The following PTPRG variants were observed in gnomAD, a reference collection of about 807,000 sequenced individuals.
PTPRG encodes receptor-type tyrosine-protein phosphatase gamma.
Under a neutral mutation model 165.3 loss-of-function variants are expected in PTPRG, and 102 were observed. The ratio of observed to expected loss-of-function variants is 0.62; its 90% CI spans 0.53 to 0.73. The LOEUF is 0.73. Among genes scored for constraint, PTPRG ranks in the 30% least tolerant of loss-of-function variants. The pLI is 0.00. For synonymous variants in PTPRG, 675 were observed against 669.5 expected (o/e 1.01, Z -0.13); for missense variants, 1,866 against 1,861.4 (o/e 1.00, Z -0.05).
At chr3:61,776,589 T>G (rs1211281267) in intron 2 of PTPRG, among the ~76,000 whole-genome samples, 1 of 151,868 alleles carries the variant, frequency 6.6e-6, no homozygotes, top group Non-Finnish European at 1.5e-5. Context: ...GTCCTAGAAC[T>G]TATTAGGGCG....
chr3:61,595,805 T>A (rs895615646), intron 1 of PTPRG, among the ~76,000 whole-genome samples: 2 of 152,184 alleles, frequency 1.3e-5, no homozygotes, highest in Admixed American at 6.5e-5. Context: ...GGGAAAAGAT[T>A]AGATAATTTA....
At position 62,154,301 on chromosome 3, in the gene PTPRG, G is replaced by C. The variant is rs114649638; in HGVS notation, c.683-2766G>C. On this transcript the variant is annotated intron_variant, in intron 6 of 29. Coordinates refer to ENST00000474889, the MANE Select transcript of PTPRG (RefSeq NM_002841.4). ...GCAGTGATAGTGGTGGAATGAATAA[G>C]CAGTGAAGCCAGGCCCTCCTCCCCT... 9.9e-3 allele frequency among the ~76,000 whole-genome samples: 1,511 copies of C among 152,282 alleles called. 22 individuals carry two copies. Among genetic ancestry groups the C allele is most frequent in the African/African-American group, 0.035 (1,458 of 41,556 alleles).
chr3:62,133,185 A>G (rs1176086052), intron 6 of PTPRG, among the ~76,000 whole-genome samples: 1 of 152,238 alleles, frequency 6.6e-6, no homozygotes, highest in Non-Finnish European at 1.5e-5. Context: ...AGAAAGTAAG[A>G]TAAATGGGTT....
At chr3:62,052,995 A>G (rs1700511881) in intron 4 of PTPRG, among the ~76,000 whole-genome samples, 1 of 152,168 alleles carries the variant, frequency 6.6e-6, no homozygotes, top group Non-Finnish European at 1.5e-5. Context: ...ACCACGCATT[A>G]ATTTTTAAAC....
At chr3:61,985,303 C>T (rs1446749901) in intron 2 of PTPRG, among the ~76,000 whole-genome samples, 1 of 152,158 alleles carries the variant, frequency 6.6e-6, no homozygotes, top group African/African-American at 2.4e-5. Flanking sequence ...TGGGGCCCCT[C>T]CTCTCCCTTT....
At chr3:61,810,016 G>A (rs140103191) in intron 2 of PTPRG, among the ~76,000 whole-genome samples, 3 of 152,308 alleles carry the variant, frequency 2.0e-5, no homozygotes, top group East Asian at 1.9e-4. Context: ...TGGGGGGCTG[G>A]GAAACTGTTT....
At chr3:61,909,578 T>G (rs1163479013) in intron 2 of PTPRG, among the ~76,000 whole-genome samples, 1 of 152,122 alleles carries the variant, frequency 6.6e-6, no homozygotes, top group Non-Finnish European at 1.5e-5. Flanking sequence ...CTTGAGCTCC[T>G]GGGCTCAAGC....
chr3:61,677,275 C>T (rs116780849), intron 1 of PTPRG, among the ~76,000 whole-genome samples: 1,852 of 151,722 alleles, frequency 0.012, 17 homozygotes, highest in Non-Finnish European at 0.019. Context: ...GAATCACTAC[C>T]TCTTCTTATG....
rs1702055639 is a variant in PTPRG, at chr3:62,271,362, C to A, written c.3010-21C>A. On this transcript the variant is annotated intron_variant, in intron 20 of 29. Coordinates refer to ENST00000474889, the MANE Select transcript of PTPRG (RefSeq NM_002841.4). The surrounding 1 kb of genome is among the most constrained non-coding windows in gnomAD (Gnocchi z 4.1). ...TGTCCACCCCCCCGCTTAAAGACAT[C>A]TTTTTTCACTTTTCTCACAGGGTCA... The A allele has an allele frequency of 6.3e-7, 1 of 1,575,012 alleles. No individual in the cohort carries two copies. Among genetic ancestry groups the A allele is most frequent in the Non-Finnish European group, 8.6e-7 (1 of 1,159,738 alleles).
At chr3:62,138,443 G>A (rs145382194) in intron 6 of PTPRG, among the ~76,000 whole-genome samples, 1 of 152,286 alleles carries the variant, frequency 6.6e-6, no homozygotes, top group African/African-American at 2.4e-5. Flanking sequence ...TGTGGGCCGG[G>A]TGCAGTGGCT....
intron 2 of PTPRG, chr3:61,925,861 T>G: frequency 2.0e-6 from 1 of 489,384 alleles, no homozygotes; most frequent in Non-Finnish European, 4.1e-6. Context: ...GACTTATTCC[T>G]TGGGATGAAT....
chr3:62,163,945 C>T lies in PTPRG; in HGVS notation c.841-4026C>T, dbSNP rs9834666. ...AGGGTTTTGAATTTGGAGAATTAGG[C>T]ATAGGCCAGATCATAAGGGCCCCAC... On this transcript the variant is annotated intron_variant, in intron 7 of 29. Transcript: ENST00000474889. Among the ~76,000 whole-genome samples the T allele has an allele frequency of 9.8e-3, 1,489 of 152,294 alleles. 28 individuals carry two copies. Among genetic ancestry groups the T allele is most frequent in the African/African-American group, 0.034 (1,420 of 41,556 alleles).
At chr3:62,141,913 CAT>C (rs1703946853) in intron 6 of PTPRG, among the ~76,000 whole-genome samples, 1 of 151,504 alleles carries the variant, frequency 6.6e-6, no homozygotes, top group Non-Finnish European at 1.5e-5. Context: ...AAAAAGAAGA[CAT>C]GTGGGCAAGA....
chr3:61,619,886 C>G (rs994892891), intron 1 of PTPRG, among the ~76,000 whole-genome samples: 2 of 152,148 alleles, frequency 1.3e-5, no homozygotes, highest in Non-Finnish European at 1.5e-5. Flanking sequence ...AACATCACCT[C>G]TTAAATGTTA....
intron 6 of PTPRG, among the ~76,000 whole-genome samples, chr3:62,138,482 G>T (rs1396078097): frequency 6.6e-6 from 1 of 152,142 alleles, no homozygotes; most frequent in East Asian, 1.9e-4. Flanking sequence ...ACTTTGGGAG[G>T]CCAAGGCAGG....
chr3:62,179,115 T>C (rs1705552537), intron 8 of PTPRG, among the ~76,000 whole-genome samples: 1 of 152,220 alleles, frequency 6.6e-6, no homozygotes, highest in Non-Finnish European at 1.5e-5. Flanking sequence ...TTCAGGTATC[T>C]GTCCAGGAAT....
Position 62,277,567 on chromosome 3 carries a change from A to G in PTPRG, c.3653A>G (p.Asn1218Ser). The G allele has an allele frequency of 6.2e-7, 1 of 1,611,556 alleles. No homozygotes were observed. Among genetic ancestry groups the G allele is most frequent in the African/African-American group, 1.3e-5 (1 of 74,972 alleles). ...CAACTGAAGGGCTATTATAGGAGCA[A>G]TGAATTTATTATAACTCAGCATCCT... ...ASYIMGYYRS[N>S]EFIITQHPLP... is the part of the protein sequence containing the mutation. Residue 1218 changes from asparagine (N) to serine (S), a missense_variant, in exon 26 of 30, where the codon AAT becomes AGT. Asn to Ser is a conservative substitution (Grantham distance 46). Around this residue, in one of 3 missense-constraint regions of PTPRG, gnomAD observed 1,452 missense variants for 1,463.0 expected, o/e 0.99. Coordinates refer to ENST00000474889, the MANE Select transcript of PTPRG (RefSeq NM_002841.4).
chr3:62,179,426 G>A (rs748338756), intron 8 of PTPRG, among the ~76,000 whole-genome samples: 18 of 152,348 alleles, frequency 1.2e-4, no homozygotes, highest in African/African-American at 2.9e-4. Context: ...CTGCCTGTAT[G>A]TCTGAGACTA....
In PTPRG at chr3:61,562,046, T is replaced by C. The variant is rs1486735488; in HGVS notation, c.-242T>C. Reference sequence around the variant, plus strand: ...TCTCCTTTTTAAACGGAAAGCAGCCTTTCTCCGCCGAGAGGATCGTCCCCA... The same window carrying C: ...TCTCCTTTTTAAACGGAAAGCAGCCCTTCTCCGCCGAGAGGATCGTCCCCA... On this transcript the variant is annotated 5_prime_UTR_variant, in exon 1 of 30. Transcript: ENST00000474889. The C allele has an allele frequency of 5.9e-6, 3 of 511,498 alleles. No individual in the cohort carries two copies. In the East Asian group the frequency reaches 9.9e-5, roughly 17 times the overall value. 31.7% of individuals were successfully genotyped at this position (511,498 alleles called of 1,614,324 possible).
Sources: gnomAD v4.1 joint callset for allele counts (sites outside exome capture counted in the v4.1 genomes callset) on GRCh38, gnomAD v4.1.1 for gene constraint, gnomAD v4.1.1 regional missense constraint, Gnocchi (gnomAD v3.1) non-coding constraint, MANE v1.5 for transcripts, NCBI Gene and HGNC (gene_info 2026-07-23, HGNC 2026-07-21) for gene names.